Variants in CIBAR1 observed in about 807,000 individuals in gnomAD.
The protein encoded by CIBAR1 is CBY1-interacting BAR domain-containing protein 1.
CIBAR1 carries 25 observed loss-of-function variants against 44.0 expected under a neutral mutation model. The ratio of observed to expected loss-of-function variants is 0.57; its 90% CI spans 0.41 to 0.79. CIBAR1 has a LOEUF of 0.79. CIBAR1 is among the 30% of genes least tolerant of loss of function. The pLI, the probability that CIBAR1 is intolerant of heterozygous loss-of-function variation, is 0.00. For missense variants in CIBAR1, 278 were observed against 344.8 expected (o/e 0.81, Z 1.53); for synonymous variants, 115 against 119.0 (o/e 0.97, Z 0.22).
Position 93,708,010 on chromosome 8 carries a change from G to T in CIBAR1, c.433-1G>T. On this transcript the variant is annotated splice_acceptor_variant, in intron 4 of 8. Transcript: ENST00000518322. LOFTEE classifies it high-confidence loss of function. ...ATTTTTTCCTTTATGAAAAATTTCAGTCACAGGTGGGTAATAAAGTGGTGT... is the reference window on the plus strand; with the variant it reads ...ATTTTTTCCTTTATGAAAAATTTCATTCACAGGTGGGTAATAAAGTGGTGT... The T allele has an allele frequency of 6.4e-7, 1 of 1,565,176 alleles. No individual in the cohort carries two copies. Among genetic ancestry groups the T allele is most frequent in the Non-Finnish European group, 8.6e-7 (1 of 1,160,116 alleles).
intron 2 of CIBAR1, among the ~76,000 whole-genome samples, 166 bp from the exon 3 acceptor site, chr8:93,703,454 T>C (rs771053906): frequency 2.0e-5 from 3 of 152,228 alleles, no homozygotes; most frequent in Non-Finnish European, 2.9e-5. Flanking sequence ...TCTTGTCATT[T>C]TGCTCACCAG....
At chr8:93,712,469 C>T (rs954753293) in intron 6 of CIBAR1, among the ~76,000 whole-genome samples, 4 of 152,254 alleles carry the variant, frequency 2.6e-5, no homozygotes, top group Admixed American at 1.3e-4. Flanking sequence ...CGGTGGTTTC[C>T]ACCTTTTGGC....
rs1811736186 is a variant in CIBAR1, at chr8:93,730,261, C to T, written c.*1964C>T. On this transcript the variant is annotated 3_prime_UTR_variant, in exon 9 of 9. Transcript: ENST00000518322. ...AAAAACAGAGGCAGCAAGGTCACTA[C>T]TTAACAGGTGATATATGGATCAAGA... The T allele has an allele frequency of 6.6e-6, 1 of 152,178 alleles. No individual in the cohort carries two copies. The highest frequency in any genetic ancestry group is 1.5e-5 in the Non-Finnish European group (1 of 68,042). The allele number at this position is 152,178 out of a possible 1,614,324, so 9.4% of individuals were successfully genotyped here.
intron 6 of CIBAR1, among the ~76,000 whole-genome samples, chr8:93,714,235 ATT>A (rs1810947908): frequency 6.6e-6 from 1 of 152,008 alleles, no homozygotes; most frequent in African/African-American, 2.4e-5. Context: ...TCGTAAATGG[ATT>A]TGTTTTCCTA....
chr8:93,730,389 T>C lies in CIBAR1; in HGVS notation c.*2092T>C, dbSNP rs901661788. 1 of 152,214 alleles carries C rather than the reference T, an allele frequency of 6.6e-6. No individual in the cohort carries two copies. The highest frequency in any genetic ancestry group is 2.4e-5 in the African/African-American group (1 of 41,454). 9.4% of individuals were successfully genotyped at this position (152,214 alleles called of 1,614,324 possible). On this transcript the variant is annotated 3_prime_UTR_variant, in exon 9 of 9. Coordinates refer to ENST00000518322, the MANE Select transcript of CIBAR1 (RefSeq NM_145269.5). ...TGGGATTGACTTTCTAGACATGATC[T>C]ACATTTTTTTAGATAATTTCTAGAC...
chr8:93,704,730 AT>A (rs1810511526), intron 3 of CIBAR1, among the ~76,000 whole-genome samples, 178 bp from the exon 4 acceptor site: 2 of 152,234 alleles, frequency 1.3e-5, no homozygotes, highest in African/African-American at 4.8e-5. Flanking sequence ...TATTAAACAC[AT>A]TCTCACATAC....
intron 7 of CIBAR1, 103 bp downstream of exon 7, chr8:93,718,891 T>A: frequency 1.5e-6 from 1 of 659,312 alleles, no homozygotes; most frequent in Non-Finnish European, 2.4e-6. Flanking sequence ...TGAGACAGAG[T>A]CTCACTCTGT....
At chr8:93,706,253 C>G (rs1285953602) in intron 4 of CIBAR1, 1 of 152,152 alleles carries the variant, frequency 6.6e-6, no homozygotes, top group Non-Finnish European at 1.5e-5. Context: ...GCTGGGAGTG[C>G]CCACTGGAGA....
chr8:93,701,290 C>T lies in CIBAR1; in HGVS notation c.93C>T (p.Cys31=). 1 of 1,613,766 alleles carries T rather than the reference C, an allele frequency of 6.2e-7. No individual in the cohort carries two copies. The highest frequency in any genetic ancestry group is 8.5e-7 in the Non-Finnish European group (1 of 1,179,806). Residue 31 remains cysteine (C), a synonymous_variant, in exon 2 of 9, where the codon TGC becomes TGT. Transcript: ENST00000518322. ...SNVEKHFGEL[C]QIFAAYVRKT... ...TGGAGAAGCATTTTGGAGAACTGTG[C>T]CAAATCTTCGCTGCCTATGTGCGGA...
At chr8:93,707,515 C>G (rs1001798793) in intron 4 of CIBAR1, among the ~76,000 whole-genome samples, 6 of 152,192 alleles carry the variant, frequency 3.9e-5, no homozygotes, top group Non-Finnish European at 7.4e-5. Context: ...AAAGCTGCAT[C>G]AGTCATGTGT....
intron 2 of CIBAR1, 145 bp from the exon 3 acceptor site, chr8:93,703,475 A>C (rs1463291866): frequency 1.9e-6 from 1 of 516,822 alleles, no homozygotes; most frequent in African/African-American, 2.0e-5. Flanking sequence ...GTGCTTTTCT[A>C]CTTTTACTAT....
At chr8:93,721,514 A>G (rs996385747) in intron 7 of CIBAR1, among the ~76,000 whole-genome samples, 2 of 152,138 alleles carry the variant, frequency 1.3e-5, no homozygotes, top group African/African-American at 4.8e-5. Context: ...AGGTCTCCGG[A>G]ATATGTGGTA....
At position 93,728,259 on chromosome 8, in the gene CIBAR1, G is replaced by T; in HGVS notation, c.832G>T (p.Glu278Ter). 6.3e-7 allele frequency: 1 copy of T among 1,596,760 alleles called. No individual in the cohort carries two copies. The highest frequency in any genetic ancestry group is 8.5e-7 in the Non-Finnish European group (1 of 1,174,984). ...DQQAEDDEDD[E>*]LDVTEEENFL... ...ACAAGCAGAAGATGATGAGGATGACGAGTTAGATGTTACAGAAGAAGAAAA... is the reference window on the plus strand; with the variant it reads ...ACAAGCAGAAGATGATGAGGATGACTAGTTAGATGTTACAGAAGAAGAAAA... The change falls in exon 9 of 9, where the codon GAG becomes TAG. Residue 278 changes from glutamate to a stop codon, truncating the protein, a stop_gained. Transcript: ENST00000518322. LOFTEE classifies it high-confidence loss of function.
chr8:93,701,095 G>A (rs1311358288), intron 1 of CIBAR1, 129 bp from the exon 2 acceptor site: 1 of 1,487,084 alleles, frequency 6.7e-7, no homozygotes. Flanking sequence ...GCCGGGAGAC[G>A]CTGGGTCGTT....
Position 93,700,683 on chromosome 8 carries a change from C to G in CIBAR1, c.26+10C>G, listed in dbSNP as rs369409189. ...GCACCCTGGAAAACCGGTAACAGCCCGAGCCCAGCTGCCCAGGGCCGCCCA... is the reference window on the plus strand; with the variant it reads ...GCACCCTGGAAAACCGGTAACAGCCGGAGCCCAGCTGCCCAGGGCCGCCCA... On this transcript the variant is annotated intron_variant, in intron 1 of 8. Coordinates refer to ENST00000518322, the MANE Select transcript of CIBAR1 (RefSeq NM_145269.5). 6.6e-7 allele frequency: 1 copy of G among 1,503,856 alleles called. No homozygotes were observed. The highest frequency in any genetic ancestry group is 8.9e-7 in the Non-Finnish European group (1 of 1,126,830). 93.2% of individuals were successfully genotyped at this position (1,503,856 alleles called of 1,614,324 possible).
At chr8:93,717,953 A>AT (rs1243866600) in intron 6 of CIBAR1, among the ~76,000 whole-genome samples, 1 of 152,120 alleles carries the variant, frequency 6.6e-6, no homozygotes, top group African/African-American at 2.4e-5. Flanking sequence ...GGTTTCCATC[A>AT]TGCTTATAGA....
intron 6 of CIBAR1, among the ~76,000 whole-genome samples, chr8:93,713,507 A>G (rs1467800982): frequency 1.3e-5 from 2 of 152,136 alleles, no homozygotes; most frequent in African/African-American, 2.4e-5. Flanking sequence ...ATGAAATCCA[A>G]TTTATCTCTC....
chr8:93,718,992 T>G (rs1811141594), intron 7 of CIBAR1, among the ~76,000 whole-genome samples: 1 of 152,090 alleles, frequency 6.6e-6, no homozygotes, highest in Admixed American at 6.6e-5. Context: ...GCCTCCTAAC[T>G]AGCTTGGATT....
At chr8:93,726,294 AGTT>A (rs1811496024) in intron 7 of CIBAR1, 97 bp from the exon 8 acceptor site, 5 of 957,940 alleles carry the variant, frequency 5.2e-6, no homozygotes, top group African/African-American at 1.7e-5. Context: ...ATTTGGGGGG[AGTT>A]GTTTTTTTAA....
Sources: allele counts gnomAD v4.1 joint callset (sites outside exome capture counted in the v4.1 genomes callset), GRCh38; gene constraint gnomAD v4.1.1; transcripts MANE v1.5; gene names NCBI Gene and HGNC (gene_info 2026-07-23, HGNC 2026-07-21).